The following TLE3 variants were observed in gnomAD, a reference collection of about 807,000 sequenced individuals.
TLE3 encodes the protein transducin-like enhancer protein 3.
In TLE3, 14 loss-of-function variants were observed where a neutral mutation model predicts 93.0. The observed-to-expected ratio is 0.15, with a 90% confidence interval of 0.10 to 0.24. TLE3 has a LOEUF of 0.24. Among genes scored for constraint, TLE3 ranks in the 10% least tolerant of loss-of-function variants. The pLI is 1.00. For missense variants in TLE3, 693 were observed against 1,046.6 expected, an observed-to-expected ratio of 0.66 and a Z score of 4.66; for synonymous variants, 451 against 425.0, an observed-to-expected ratio of 1.06 and a Z score of -0.75.
intron 8 of TLE3, 88 bp from the exon 9 acceptor site, chr15:70,060,737 G>A (rs371499476): frequency 1.0e-5 from 16 of 1,565,690 alleles, no homozygotes; most frequent in Middle Eastern, 3.4e-4. Context: ...CAGGTGACAC[G>A]GAGGTCAGGG....
chr15:70,057,946 C>A, intron 12 of TLE3: 1 of 841,038 alleles, frequency 1.2e-6, no homozygotes, highest in South Asian at 1.8e-5. Flanking sequence ...GGAGCCCTGA[C>A]CCGTCTGATG....
At chr15:70,067,544 A>T (rs1337575208) in intron 6 of TLE3, among the ~76,000 whole-genome samples, 2 of 152,202 alleles carry the variant, frequency 1.3e-5, no homozygotes, top group Admixed American at 6.5e-5. Context: ...GGGTTGGTGG[A>T]AAGTGCCATA....
chr15:70,056,483 G>A (rs1018866549), intron 13 of TLE3, 109 bp from the exon 14 acceptor site: 33 of 974,240 alleles, frequency 3.4e-5, no homozygotes, highest in Non-Finnish European at 5.2e-5. Flanking sequence ...CTGCCACTTT[G>A]TAACCCAAGA....
At chr15:70,074,378 T>C in intron 6 of TLE3, 155 bp downstream of exon 6, 1 of 858,548 alleles carries the variant, frequency 1.2e-6, no homozygotes, top group Non-Finnish European at 1.8e-6. Context: ...CAGCCCTACA[T>C]GGGTCCAAGC....
chr15:70,094,426 G>A (rs1218505520), intron 4 of TLE3, 106 bp downstream of exon 4: 2 of 845,468 alleles, frequency 2.4e-6, no homozygotes, highest in African/African-American at 1.7e-5. Context: ...AGAAGGGGGA[G>A]GAATCGAAGA....
At chr15:70,083,918 C>A (rs1208695149) in intron 4 of TLE3, among the ~76,000 whole-genome samples, 2 of 152,114 alleles carry the variant, frequency 1.3e-5, no homozygotes, top group African/African-American at 4.8e-5. Flanking sequence ...TTATTCACAA[C>A]CAAAGAGCAT....
At chr15:70,060,707 C>T (rs1368039777) in intron 8 of TLE3, 58 bp from the exon 9 acceptor site, 3 of 1,597,426 alleles carry the variant, frequency 1.9e-6, no homozygotes, top group Non-Finnish European at 2.6e-6. Flanking sequence ...ACAATTCACA[C>T]ATCCGCACAC....
In TLE3 at chr15:70,097,890, G is replaced by A; in HGVS notation, c.-1092C>T. On this transcript the variant is annotated 5_prime_UTR_variant, in exon 1 of 20. Coordinates refer to ENST00000451782, the MANE Select transcript of TLE3 (RefSeq NM_001105192.3). ...AGGGGACGAGCACGAGGTCTGAACT[G>A]CCGCGAGAGCAGTTCCAAATAGGGA... The A allele has an allele frequency of 3.4e-6, 1 of 290,638 alleles. No individual in the cohort carries two copies. The highest frequency in any genetic ancestry group is 5.4e-5 in the East Asian group (1 of 18,360). The allele number at this position is 290,638 out of a possible 1,614,324, so 18.0% of individuals were successfully genotyped here.
At chr15:70,075,997 A>AGGCTGGGGCTGG in intron 5 of TLE3, 99 bp downstream of exon 5, 1 of 1,128,726 alleles carries the variant, frequency 8.9e-7, no homozygotes. Flanking sequence ...ACAGGGGCTG[A>AGGCTGGGGCTGG]GGCTGGGGCT....
At chr15:70,094,426 GGAATCGAA>G (rs1034088602) in intron 4 of TLE3, 98 bp downstream of exon 4, 7 of 845,468 alleles carry the variant, frequency 8.3e-6, no homozygotes, top group African/African-American at 1.7e-5. Flanking sequence ...AGAAGGGGGA[GGAATCGAA>G]GAAGCAGGCT....
chr15:70,051,917 C>T (rs1356991936), intron 18 of TLE3, among the ~76,000 whole-genome samples: 7 of 152,228 alleles, frequency 4.6e-5, no homozygotes, highest in Non-Finnish European at 1.0e-4. Context: ...AGCCCTTATG[C>T]TCCCTGAAAG....
intron 1 of TLE3, chr15:70,096,530 C>T: frequency 1.5e-6 from 2 of 1,337,454 alleles, no homozygotes; most frequent in Non-Finnish European, 2.1e-6. Flanking sequence ...TGGGAGACTT[C>T]AGAGCGGGGC....
chr15:70,088,677 T>G (rs1323761141), intron 4 of TLE3, among the ~76,000 whole-genome samples: 2 of 150,708 alleles, frequency 1.3e-5, no homozygotes, highest in Non-Finnish European at 3.0e-5. Context: ...GCTATTTTGC[T>G]GGCTGCTATC....
rs949134605 is a variant in TLE3 at position 70,049,867 on chromosome 15, G to A, written c.*230C>T. The A allele has an allele frequency of 4.2e-6, 2 of 479,408 alleles. No homozygotes were observed. Among genetic ancestry groups the A allele is most frequent in the Admixed American group, 3.3e-5 (1 of 30,288 alleles). The allele number at this position is 479,408 out of a possible 1,614,324, so 29.7% of individuals were successfully genotyped here. A position where few individuals can be genotyped will look rare whatever the true frequency, so the allele number is the denominator to read the frequency against. ...GTAGCAACTGCCAGCATTGTTCAGG[G>A]GGAGGAGGAGGAGCAGAACCCTTCC... On this transcript the variant is annotated 3_prime_UTR_variant, in exon 20 of 20. Coordinates refer to ENST00000451782, the MANE Select transcript of TLE3 (RefSeq NM_001105192.3).
chr15:70,053,344 G>A lies in TLE3; in HGVS notation c.1857C>T (p.Ser619=), dbSNP rs1199762647. ...TGCCATCATGGGAGATGTCTATGCA[G>A]CTGGCCCCATCTGTGTGGCCCTGGA... The part of the protein sequence containing the change: ...RQFQGHTDGA[S]CIDISHDGTK... Residue 619 remains serine (S), a synonymous_variant, in exon 17 of 20, where the codon AGC becomes AGT. Coordinates refer to ENST00000451782, the MANE Select transcript of TLE3 (RefSeq NM_001105192.3). 6.2e-7 allele frequency: 1 copy of A among 1,608,880 alleles called. No individual in the cohort carries two copies. Among genetic ancestry groups the A allele is most frequent in the East Asian group, 2.2e-5 (1 of 44,730 alleles).
chr15:70,055,011 A>C, intron 15 of TLE3, 38 bp downstream of exon 15: 1 of 1,559,096 alleles, frequency 6.4e-7, no homozygotes. Flanking sequence ...ATCCTCCTAC[A>C]CCAGCTGGAG....
chr15:70,075,188 T>C (rs1241904175), intron 5 of TLE3, among the ~76,000 whole-genome samples: 1 of 152,254 alleles, frequency 6.6e-6, no homozygotes, highest in Non-Finnish European at 1.5e-5. Flanking sequence ...AACCCTAATG[T>C]AAACTACGGA....
chr15:70,054,332 C>T, intron 16 of TLE3, 106 bp downstream of exon 16: 1 of 1,498,828 alleles, frequency 6.7e-7, no homozygotes, highest in East Asian at 2.3e-5. Context: ...GTTCTGGCCA[C>T]CCCACAGTGC....
At chr15:70,059,897 C>T (rs1367363474) in intron 9 of TLE3, among the ~76,000 whole-genome samples, 1 of 152,228 alleles carries the variant, frequency 6.6e-6, no homozygotes, top group Admixed American at 6.5e-5. Flanking sequence ...CTCACAGAAA[C>T]ACAGCTGAGT....
Sources: gnomAD v4.1 joint callset for allele counts (sites outside exome capture counted in the v4.1 genomes callset) on GRCh38, gnomAD v4.1.1 for gene constraint, MANE v1.5 for transcripts, NCBI Gene and HGNC (gene_info 2026-07-23, HGNC 2026-07-21) for gene names.